Variants in CTNND2 observed in about 807,000 individuals in gnomAD.
The protein encoded by CTNND2 is catenin delta 2.
CTNND2 carries 22 observed loss-of-function variants against 144.4 expected under a neutral mutation model. The observed-to-expected ratio is 0.15, with a 90% confidence interval of 0.11 to 0.22. The LOEUF (loss-of-function observed/expected upper bound fraction) is 0.22. Among genes scored for constraint, CTNND2 ranks in the 10% least tolerant of loss-of-function variants. The probability of loss-of-function intolerance (pLI) is 1.00; values close to 1 mark genes in which losing one functional copy is unlikely to be tolerated. For missense variants in CTNND2, 1,353 were observed against 1,618.8 expected (o/e 0.84, Z 2.82); for synonymous variants, 751 against 695.6 (o/e 1.08, Z -1.25).
chr5:11,714,087 CTTAA>C (rs1307443339), intron 2 of CTNND2, among the ~76,000 whole-genome samples: 1 of 152,046 alleles, frequency 6.6e-6, no homozygotes, highest in Non-Finnish European at 1.5e-5. Context: ...TGAGTGATGG[CTTAA>C]TTTATTTTTA....
chr5:11,849,470 A>G (rs1021796095), intron 1 of CTNND2, among the ~76,000 whole-genome samples: 4 of 152,122 alleles, frequency 2.6e-5, no homozygotes, highest in African/African-American at 9.7e-5. Context: ...TAAATTCCAC[A>G]TTTCCTAGTA....
Position 11,739,165 on chromosome 5 carries a change from T to C in CTNND2, c.38-6893A>G, listed in dbSNP as rs2126759536. On this transcript the variant is annotated intron_variant, in intron 1 of 21. Transcript: ENST00000304623. ...GAAGATCTCCATCACTGCAGAAAGTTCTACTGATAGCCCAAGTCTATGCCC... is the reference window on the plus strand; with the variant it reads ...GAAGATCTCCATCACTGCAGAAAGTCCTACTGATAGCCCAAGTCTATGCCC... 2.0e-5 allele frequency among the ~76,000 whole-genome samples: 3 copies of C among 152,310 alleles called. 1 individual carries two copies. The highest frequency in any genetic ancestry group is 2.0e-4 in the Admixed American group (3 of 15,286).
intron 11 of CTNND2, among the ~76,000 whole-genome samples, chr5:11,198,620 A>G (rs1483170722): frequency 6.6e-6 from 1 of 152,252 alleles, no homozygotes; most frequent in African/African-American, 2.4e-5. Context: ...TATGCAATCC[A>G]TTTGCTAAAT....
At chr5:11,608,848 G>A (rs1173567263) in intron 2 of CTNND2, among the ~76,000 whole-genome samples, 4 of 152,202 alleles carry the variant, frequency 2.6e-5, no homozygotes, top group Non-Finnish European at 5.9e-5. Context: ...ATCATCAGCA[G>A]CAGCAGCACC....
In CTNND2 at chr5:11,036,612, G is replaced by A. The variant is rs374033762; in HGVS notation, c.2789-13633C>T. Among the ~76,000 whole-genome samples the A allele has an allele frequency of 8.6e-4, 131 of 152,168 alleles. 1 individual carries two copies. The highest frequency in any genetic ancestry group is 6.8e-3 in the South Asian group (33 of 4,818). ...ATTTTTTGTATTTTTTGGTAGAAAT[G>A]GGATTTCACCACGTTGGCCACACAC... On this transcript the variant is annotated intron_variant, in intron 16 of 21. Transcript: ENST00000304623.
chr5:11,711,176 C>T (rs1786008963), intron 2 of CTNND2, among the ~76,000 whole-genome samples: 1 of 152,024 alleles, frequency 6.6e-6, no homozygotes, highest in South Asian at 2.1e-4. Flanking sequence ...CTGCTTAAGT[C>T]TCTGGAGTAG....
chr5:11,352,969 A>T (rs770643593), intron 8 of CTNND2, among the ~76,000 whole-genome samples: 7 of 152,132 alleles, frequency 4.6e-5, no homozygotes, highest in Non-Finnish European at 8.8e-5. Flanking sequence ...ATCTATTTAA[A>T]TGTACATTTA....
At chr5:11,128,758 A>AT (rs1282089219) in intron 12 of CTNND2, among the ~76,000 whole-genome samples, 1 of 35,568 alleles carries the variant, frequency 2.8e-5, no homozygotes, top group Non-Finnish European at 4.6e-5. Flanking sequence ...TATTATATAT[A>AT]AATATATATA....
At chr5:11,788,622 C>A (rs1305994673) in intron 1 of CTNND2, among the ~76,000 whole-genome samples, 1 of 152,092 alleles carries the variant, frequency 6.6e-6, no homozygotes, top group Non-Finnish European at 1.5e-5. Context: ...GTGATGCAAT[C>A]CATGTAAATA....
intron 2 of CTNND2, among the ~76,000 whole-genome samples, chr5:11,636,149 A>G (rs185175402): frequency 2.6e-5 from 4 of 151,900 alleles, no homozygotes; most frequent in Non-Finnish European, 5.9e-5. Context: ...CCTAGGAGAC[A>G]TGAGCTGTTT....
At chr5:11,239,118 G>A (rs964006884) in intron 9 of CTNND2, among the ~76,000 whole-genome samples, 7 of 152,242 alleles carry the variant, frequency 4.6e-5, no homozygotes, top group South Asian at 2.1e-4. Flanking sequence ...TATGCTTTTG[G>A]AAAGTGATTA....
chr5:11,226,535 T>C (rs1209039610), intron 10 of CTNND2, among the ~76,000 whole-genome samples: 1 of 152,182 alleles, frequency 6.6e-6, no homozygotes, highest in Non-Finnish European at 1.5e-5. Context: ...CTCACAATCA[T>C]GGCGGAAGAT....
chr5:11,435,304 A>C (rs1424815752), intron 3 of CTNND2, among the ~76,000 whole-genome samples: 1 of 151,540 alleles, frequency 6.6e-6, no homozygotes, highest in African/African-American at 2.4e-5. Context: ...AAGCCCGGCT[A>C]ATTTTTTTTT....
At chr5:11,902,556 A>G (rs760979292) in intron 1 of CTNND2, among the ~76,000 whole-genome samples, 2 of 152,044 alleles carry the variant, frequency 1.3e-5, no homozygotes, top group Non-Finnish European at 2.9e-5. Context: ...GAGTTTCAGC[A>G]CCTCCTTGTT....
chr5:11,727,819 T>C (rs561716962), intron 2 of CTNND2, among the ~76,000 whole-genome samples: 1 of 152,362 alleles, frequency 6.6e-6, no homozygotes, highest in East Asian at 1.9e-4. Context: ...TTAATAGTTA[T>C]AGGTCATTTC....
intron 21 of CTNND2, among the ~76,000 whole-genome samples, chr5:10,974,870 CT>C (rs963190960): frequency 6.6e-6 from 1 of 152,178 alleles, no homozygotes; most frequent in Non-Finnish European, 1.5e-5. Context: ...TAATTCTTCT[CT>C]CAAGTAAGTG....
intron 3 of CTNND2, among the ~76,000 whole-genome samples, chr5:11,558,708 C>T (rs958871013): frequency 1.3e-5 from 2 of 152,048 alleles, no homozygotes; most frequent in Admixed American, 1.3e-4. Context: ...GGGTGGGGCC[C>T]AGGTTGTCAG....
At chr5:11,008,836 A>C (rs1287556785) in intron 18 of CTNND2, among the ~76,000 whole-genome samples, 1 of 152,206 alleles carries the variant, frequency 6.6e-6, no homozygotes, top group East Asian at 1.9e-4. Flanking sequence ...CCAGAAGCCC[A>C]GGGAGTGGAC....
chr5:11,443,956 T>C (rs919869812), intron 3 of CTNND2, among the ~76,000 whole-genome samples: 1 of 152,246 alleles, frequency 6.6e-6, no homozygotes, highest in Non-Finnish European at 1.5e-5. Context: ...ATTTGGCTGC[T>C]TAACAACGGC....
Sources: allele counts gnomAD v4.1 joint callset (sites outside exome capture counted in the v4.1 genomes callset), GRCh38; gene constraint gnomAD v4.1.1; transcripts MANE v1.5; gene names NCBI Gene and HGNC (gene_info 2026-07-23, HGNC 2026-07-21).